The following LRRC7 variants were observed in gnomAD, a reference collection of about 807,000 sequenced individuals.
The protein encoded by LRRC7 is leucine-rich repeat-containing protein 7.
Under a neutral mutation model 175.7 loss-of-function variants are expected in LRRC7, and 23 were observed. The ratio of observed to expected loss-of-function variants is 0.13; its 90% CI spans 0.09 to 0.19. LRRC7 has a LOEUF of 0.19. LRRC7 is among the 10% of genes least tolerant of loss of function. The pLI is 1.00. For synonymous variants in LRRC7, 685 were observed against 680.9 expected (o/e 1.01, Z -0.09); for missense variants, 1,354 against 1,904.7 (o/e 0.71, Z 5.38).
rs1485675670 is a variant in LRRC7 at position 70,125,512 on chromosome 1, G to A, written c.*3625G>A. 6.6e-6 allele frequency among the ~76,000 whole-genome samples: 1 copy of A among 152,202 alleles called. No individual in the cohort carries two copies. Among genetic ancestry groups the A allele is most frequent in the Non-Finnish European group, 1.5e-5 (1 of 68,018 alleles). On this transcript the variant is annotated 3_prime_UTR_variant, in exon 27 of 27. Coordinates refer to ENST00000651989, the MANE Select transcript of LRRC7 (RefSeq NM_001370785.2). ...TCAACTGGTGAGCTAAAGAGAGAGGGCCGGGCGCGGTGGCTCACGCCTGTA... is the reference window on the plus strand; with the variant it reads ...TCAACTGGTGAGCTAAAGAGAGAGGACCGGGCGCGGTGGCTCACGCCTGTA...
At chr1:69,748,131 T>G in intron 2 of LRRC7, among the ~76,000 whole-genome samples, 1 of 152,158 alleles carries the variant, frequency 6.6e-6, no homozygotes, top group South Asian at 2.1e-4. Flanking sequence ...TAGTTGAGTC[T>G]CAGAATTGTA....
chr1:69,570,946 T>G lies in LRRC7; in HGVS notation c.2+2305T>G, dbSNP rs1338259080. On this transcript the variant is annotated intron_variant, in intron 1 of 26. Coordinates refer to ENST00000651989, the MANE Select transcript of LRRC7 (RefSeq NM_001370785.2). ...GATATAACTTGTTTATGACCCAACA[T>G]TTAGAGTTACCTGACTTGGAGATTT... Among the ~76,000 whole-genome samples, 3 of 152,192 alleles carry G rather than the reference T, an allele frequency of 2.0e-5. No homozygotes were observed. The East Asian group carries it at 5.8e-4, about 29-fold the overall frequency.
chr1:69,692,935 T>C (rs1662074792), intron 2 of LRRC7, among the ~76,000 whole-genome samples: 1 of 152,138 alleles, frequency 6.6e-6, no homozygotes, highest in African/African-American at 2.4e-5. Flanking sequence ...ATCCAATCCA[T>C]GAGGACGTGA....
intron 7 of LRRC7, among the ~76,000 whole-genome samples, chr1:69,925,687 T>C (rs1432760295): frequency 1.3e-5 from 2 of 152,188 alleles, no homozygotes; most frequent in Non-Finnish European, 2.9e-5. Flanking sequence ...GATTCTTCTC[T>C]CCTTTCTTCT....
intron 7 of LRRC7, among the ~76,000 whole-genome samples, chr1:69,902,574 AAAAC>A (rs201066372): frequency 0.018 from 1,878 of 105,506 alleles, 32 homozygotes; most frequent in African/African-American, 0.058. Flanking sequence ...GTTTCAAAAC[AAAAC>A]AAAAAAAAAA....
intron 2 of LRRC7, among the ~76,000 whole-genome samples, chr1:69,754,911 C>A (rs1243375174): frequency 6.6e-6 from 1 of 151,832 alleles, no homozygotes; most frequent in African/African-American, 2.4e-5. Context: ...GTTGGGAAAG[C>A]TGAATGATAT....
At chr1:69,648,489 A>G (rs995066712) in intron 1 of LRRC7, among the ~76,000 whole-genome samples, 3 of 152,142 alleles carry the variant, frequency 2.0e-5, no homozygotes, top group East Asian at 1.9e-4. Flanking sequence ...TCTGGCTGCA[A>G]TTAACCAGTG....
chr1:69,639,799 C>A (rs1044664605), intron 1 of LRRC7, among the ~76,000 whole-genome samples: 1 of 151,464 alleles, frequency 6.6e-6, no homozygotes, highest in Non-Finnish European at 1.5e-5. Flanking sequence ...ATATCAATAC[C>A]TACAAATGCA....
chr1:69,623,076 G>T (rs1650896947), intron 1 of LRRC7, among the ~76,000 whole-genome samples: 1 of 152,070 alleles, frequency 6.6e-6, no homozygotes, highest in African/African-American at 2.4e-5. Context: ...TCTTTGAGAA[G>T]GGAGAGAAAA....
At position 69,805,819 on chromosome 1, in the gene LRRC7, C is replaced by T. The variant is rs1052655857; in HGVS notation, c.421+13659C>T. On this transcript the variant is annotated intron_variant, in intron 4 of 26. Transcript: ENST00000651989. The stretch of plus-strand genomic sequence containing the variant: ...TAGGACATAAAATAAACAAATAATG[C>T]CTTATGTGTTTCACTAGCACTTATT... Among the ~76,000 whole-genome samples, 5 of 151,728 alleles carry T rather than the reference C, an allele frequency of 3.3e-5. No individual in the cohort carries two copies. The Admixed American group carries it at 3.3e-4, about 10-fold the overall frequency.
chr1:69,747,994 A>T (rs1022599179), intron 2 of LRRC7, among the ~76,000 whole-genome samples: 2 of 152,054 alleles, frequency 1.3e-5, no homozygotes, highest in Non-Finnish European at 2.9e-5. Context: ...CCTGAGGGGG[A>T]CATTAAGCAG....
chr1:69,605,400 TA>T (rs1303107234), intron 1 of LRRC7, among the ~76,000 whole-genome samples: 4 of 152,182 alleles, frequency 2.6e-5, no homozygotes, highest in African/African-American at 9.7e-5. Context: ...GAGAGCAGAC[TA>T]ATAGAGGATG....
chr1:69,736,964 G>C (rs1031032497), intron 2 of LRRC7, among the ~76,000 whole-genome samples: 6 of 151,976 alleles, frequency 3.9e-5, no homozygotes, highest in African/African-American at 1.4e-4. Context: ...TTTTTGTATT[G>C]GTCTTTATAC....
chr1:70,020,829 A>G (rs1210365548), intron 15 of LRRC7, 176 bp from the exon 16 acceptor site: 6 of 428,210 alleles, frequency 1.4e-5, no homozygotes, highest in Non-Finnish European at 1.9e-5. Context: ...CATGTAATAA[A>G]TATCAAGGGA....
rs1558092446 is a variant in LRRC7 at position 70,129,102 on chromosome 1, C to T, written c.*7215C>T. ...CTCTACTAAAAATATGAAAAATTAG[C>T]CGGGCATTGTGGCGCGCACCTGTAA... On this transcript the variant is annotated 3_prime_UTR_variant, in exon 27 of 27. Transcript: ENST00000651989. Among the ~76,000 whole-genome samples the T allele has an allele frequency of 6.6e-6, 1 of 151,994 alleles. No individual in the cohort carries two copies. Among genetic ancestry groups the T allele is most frequent in the African/African-American group, 2.4e-5 (1 of 41,384 alleles).
Position 69,793,358 on chromosome 1 carries a change from G to A in LRRC7, c.421+1198G>A, listed in dbSNP as rs969640411. Among the ~76,000 whole-genome samples the A allele has an allele frequency of 3.9e-5, 6 of 152,030 alleles. No homozygotes were observed. The East Asian group carries it at 1.2e-3, about 29-fold the overall frequency. Reference sequence around the variant, plus strand: ...TTGGCTTGACATCCTGGGAAATAAGGATCTGTTTTGTGAAAGGCCATCAGA... The same window carrying A: ...TTGGCTTGACATCCTGGGAAATAAGAATCTGTTTTGTGAAAGGCCATCAGA... On this transcript the variant is annotated intron_variant, in intron 4 of 26. Transcript: ENST00000651989.
At chr1:70,024,388 T>C (rs1657863873) in intron 17 of LRRC7, among the ~76,000 whole-genome samples, 1 of 151,746 alleles carries the variant, frequency 6.6e-6, no homozygotes, top group Admixed American at 6.6e-5. Context: ...AGTGATTCTT[T>C]ATTGCTAAAT....
At chr1:69,691,767 C>T (rs1262072971) in intron 2 of LRRC7, among the ~76,000 whole-genome samples, 2 of 135,342 alleles carry the variant, frequency 1.5e-5, no homozygotes, top group South Asian at 2.3e-4. Flanking sequence ...TGCTGCACTC[C>T]AGCCTGGGCA....
chr1:69,571,021 G>A (rs1645718954), intron 1 of LRRC7, among the ~76,000 whole-genome samples: 1 of 152,186 alleles, frequency 6.6e-6, no homozygotes, highest in African/African-American at 2.4e-5. Context: ...GTAGGCTAAA[G>A]TTTTTAAAAG....
Sources: allele counts gnomAD v4.1 joint callset (sites outside exome capture counted in the v4.1 genomes callset), GRCh38; gene constraint gnomAD v4.1.1; transcripts MANE v1.5; gene names NCBI Gene and HGNC (gene_info 2026-07-23, HGNC 2026-07-21).